The following MTUS1 variants were observed in gnomAD, a reference collection of about 807,000 sequenced individuals.
The protein encoded by MTUS1 is microtubule associated scaffold protein 1.
A neutral mutation model predicts 120.8 loss-of-function variants in MTUS1; 109 were observed. The observed-to-expected ratio is 0.90, with a 90% CI of 0.77 to 1.06. MTUS1 has a LOEUF of 1.06. MTUS1 is among the 50% of genes least tolerant of loss of function. The probability of loss-of-function intolerance (pLI) is 0.00; values close to 1 mark genes in which losing one functional copy is unlikely to be tolerated. For synonymous variants in MTUS1, 737 were observed against 550.5 expected (o/e 1.34, Z -4.74); for missense variants, 2,210 against 1,486.3 (o/e 1.49, Z -8.01).
intron 3 of MTUS1, among the ~76,000 whole-genome samples, chr8:17,738,928 C>A (rs901731162): frequency 6.6e-6 from 1 of 151,578 alleles, no homozygotes; most frequent in African/African-American, 2.4e-5. Flanking sequence ...CACTTAAGCC[C>A]AGGAGTTCAA....
Position 17,645,080 on chromosome 8 carries a change from T to TTATAGAAAAATTAGGGTTCTACATTTACA in MTUS1, c.*817_*845dup, listed in dbSNP as rs1805525426. The stretch of plus-strand genomic sequence containing the variant: ...ACAGTTAGTTAGTTAGTTTGTTTTT[T>TTATAGAAAAATTAGGGTTCTACATTTACA]TATAGAAAAATTAGGGTTCTACATT... On this transcript the variant is annotated 3_prime_UTR_variant, in exon 15 of 15. Coordinates refer to ENST00000693296, the MANE Select transcript of MTUS1 (RefSeq NM_001363059.2). The TTATAGAAAAATTAGGGTTCTACATTTACA allele has an allele frequency of 6.6e-6, 1 of 152,412 alleles. No homozygotes were observed. The highest frequency in any genetic ancestry group is 2.4e-5 in the African/African-American group (1 of 41,392). The allele number at this position is 152,412 out of a possible 1,614,324, so 9.4% of individuals were successfully genotyped here.
intron 1 of MTUS1, among the ~76,000 whole-genome samples, chr8:17,773,096 A>G (rs1235917244): frequency 6.6e-6 from 1 of 152,192 alleles, no homozygotes; most frequent in Non-Finnish European, 1.5e-5. Flanking sequence ...CTGAAGGACT[A>G]TTATTTCTCT....
rs552868292 is a variant in MTUS1 at position 17,652,853 on chromosome 8, G to C, written c.3384+333C>G. Among the ~76,000 whole-genome samples, 20 of 150,970 alleles carry C rather than the reference G, an allele frequency of 1.3e-4. No homozygotes were observed. The South Asian group carries it at 2.9e-3, about 22-fold the overall frequency. ...TCCCTCTCAAAAAAAAAAAAAGAAAGAGTGAACTTTGTAGTTTGTTTTATC... is the reference window on the plus strand; with the variant it reads ...TCCCTCTCAAAAAAAAAAAAAGAAACAGTGAACTTTGTAGTTTGTTTTATC... On this transcript the variant is annotated intron_variant, in intron 12 of 14. Coordinates refer to ENST00000693296, the MANE Select transcript of MTUS1 (RefSeq NM_001363059.2).
chr8:17,757,437 T>C (rs572181227), intron 1 of MTUS1, among the ~76,000 whole-genome samples: 20 of 152,342 alleles, frequency 1.3e-4, no homozygotes, highest in Middle Eastern at 3.4e-3. Context: ...TGCACAATGT[T>C]ATATACTGAA....
chr8:17,774,664 A>G (rs868664609), intron 1 of MTUS1, among the ~76,000 whole-genome samples: 1 of 152,170 alleles, frequency 6.6e-6, no homozygotes, highest in Non-Finnish European at 1.5e-5. Flanking sequence ...TGCAGCAGCT[A>G]TGGAAAACAA....
intron 1 of MTUS1, among the ~76,000 whole-genome samples, chr8:17,791,881 CACCCATTGATCATTTTCTATAT>C (rs2051813537): frequency 6.6e-6 from 1 of 152,284 alleles, no homozygotes; most frequent in South Asian, 2.1e-4. Flanking sequence ...AGGTTATTAG[CACCCATTGATCATTTTCTATAT>C]ACCTGGCACC....
intron 1 of MTUS1, among the ~76,000 whole-genome samples, chr8:17,773,934 A>T (rs974361952): frequency 2.0e-5 from 3 of 152,116 alleles, no homozygotes; most frequent in African/African-American, 7.2e-5. Context: ...ACTATATAAA[A>T]ATAAGACTAG....
At chr8:17,673,094 T>C (rs1486076908) in intron 8 of MTUS1, among the ~76,000 whole-genome samples, 5 of 152,208 alleles carry the variant, frequency 3.3e-5, no homozygotes, top group Admixed American at 1.3e-4. Flanking sequence ...AAAAGGCCTC[T>C]TTCCTGATCT....
In MTUS1 at chr8:17,670,427, G is replaced by T. The variant is rs546751422; in HGVS notation, c.2905+4759C>A. On this transcript the variant is annotated intron_variant, in intron 8 of 14. Coordinates refer to ENST00000693296, the MANE Select transcript of MTUS1 (RefSeq NM_001363059.2). ...ATTTAAGGGGTAAGTGAACGTATGGGACAGCCACTTGACAGACTTTCCCCC... is the reference window on the plus strand; with the variant it reads ...ATTTAAGGGGTAAGTGAACGTATGGTACAGCCACTTGACAGACTTTCCCCC... Among the ~76,000 whole-genome samples, 8 of 152,274 alleles carry T rather than the reference G, an allele frequency of 5.3e-5. No homozygotes were observed. The East Asian group carries it at 1.5e-3, about 29-fold the overall frequency.
chr8:17,740,679 C>T (rs1429986163), intron 3 of MTUS1, among the ~76,000 whole-genome samples: 1 of 152,252 alleles, frequency 6.6e-6, no homozygotes, highest in South Asian at 2.1e-4. Flanking sequence ...CTCAGGCTGC[C>T]ATAATAGTAA....
chr8:17,711,859 A>G (rs1006342972), intron 6 of MTUS1, among the ~76,000 whole-genome samples: 3 of 152,184 alleles, frequency 2.0e-5, no homozygotes, highest in East Asian at 3.9e-4. Context: ...GTTACTTTCA[A>G]TATTATTGTG....
chr8:17,724,427 GC>G (rs2046074261), intron 3 of MTUS1, among the ~76,000 whole-genome samples: 1 of 151,918 alleles, frequency 6.6e-6, no homozygotes, highest in South Asian at 2.1e-4. Flanking sequence ...AATTTGATAA[GC>G]AAAAATTTCA....
intron 7 of MTUS1, among the ~76,000 whole-genome samples, chr8:17,683,128 C>T (rs193011502): frequency 5.9e-5 from 9 of 152,116 alleles, no homozygotes; most frequent in Admixed American, 2.6e-4. Context: ...AAAAACTAGC[C>T]GGGCGTGGTG....
intron 3 of MTUS1, chr8:17,724,253 GA>G: frequency 3.3e-6 from 1 of 303,380 alleles, no homozygotes; most frequent in South Asian, 2.6e-5. Context: ...TATCATATAA[GA>G]AATAAATAAG....
chr8:17,668,553 C>T (rs971325940), intron 8 of MTUS1, among the ~76,000 whole-genome samples: 10 of 152,146 alleles, frequency 6.6e-5, no homozygotes, highest in African/African-American at 2.2e-4. Context: ...CTGGGATTGT[C>T]GGACATAATA....
intron 8 of MTUS1, among the ~76,000 whole-genome samples, chr8:17,670,224 C>G (rs560427383): frequency 6.6e-6 from 1 of 152,312 alleles, no homozygotes; most frequent in East Asian, 1.9e-4. Flanking sequence ...TCAGGAAGGT[C>G]TGATTATACT....
upstream of MTUS1, among the ~76,000 whole-genome samples, chr8:17,801,191 C>G (rs1047415163): frequency 1.3e-5 from 2 of 151,660 alleles, no homozygotes; most frequent in African/African-American, 4.8e-5. Flanking sequence ...CCTGGGGGCG[C>G]GCGGCGCGGC....
At chr8:17,749,586 G>T (rs535067846) in intron 2 of MTUS1, among the ~76,000 whole-genome samples, 2 of 151,132 alleles carry the variant, frequency 1.3e-5, no homozygotes, top group East Asian at 1.9e-4. Flanking sequence ...ACTTGAACCC[G>T]GGAGGCAGAG....
chr8:17,738,001 C>T (rs370768181), intron 3 of MTUS1, among the ~76,000 whole-genome samples: 8 of 152,008 alleles, frequency 5.3e-5, no homozygotes, highest in African/African-American at 1.9e-4. Context: ...ACATAAACCA[C>T]GAAGGAAATA....
Sources: allele counts gnomAD v4.1 joint callset (sites outside exome capture counted in the v4.1 genomes callset), GRCh38; gene constraint gnomAD v4.1.1; transcripts MANE v1.5; gene names NCBI Gene and HGNC (gene_info 2026-07-23, HGNC 2026-07-21).